Variants in EPB41 observed in about 807,000 individuals in gnomAD.
EPB41 encodes the protein erythrocyte membrane protein band 4.1, also known as protein 4.1.
In EPB41, 65 loss-of-function variants were observed where a neutral mutation model predicts 108.0. The ratio of observed to expected loss-of-function variants is 0.60; its 90% CI spans 0.49 to 0.74. The LOEUF (loss-of-function observed/expected upper bound fraction) is 0.74. EPB41 is among the 30% of genes least tolerant of loss of function. EPB41 has a pLI of 0.00. For synonymous variants in EPB41, 336 were observed against 358.9 expected (o/e 0.94, Z 0.72); for missense variants, 875 against 1,037.0 (o/e 0.84, Z 2.15).
chr1:28,931,622 G>A (rs530396540), intron 1 of EPB41, among the ~76,000 whole-genome samples: 7 of 150,860 alleles, frequency 4.6e-5, no homozygotes, highest in Admixed American at 2.6e-4. Flanking sequence ...TCCGCCTCCC[G>A]GGTTCAAGCA....
intron 1 of EPB41, among the ~76,000 whole-genome samples, chr1:28,908,324 C>G (rs1238299271): frequency 9.3e-5 from 14 of 150,904 alleles, no homozygotes; most frequent in Non-Finnish European, 2.1e-4. Context: ...ATCACTTGAA[C>G]CTGGCAGGCA....
rs186170836 is a variant in EPB41 at position 28,916,350 on chromosome 1, A to G, written c.-8+1582A>G. ...ATATCTTTGGCACTATTAAAAGTGA[A>G]CTATGTCGGGCACGGTGGCTCACGC... On this transcript the variant is annotated intron_variant, in intron 1 of 20. Coordinates refer to ENST00000343067, the MANE Select transcript of EPB41 (RefSeq NM_001376013.1). Among the ~76,000 whole-genome samples, 7 of 152,316 alleles carry G rather than the reference A, an allele frequency of 4.6e-5. No homozygotes were observed. In the East Asian group the frequency reaches 1.4e-3, roughly 29 times the overall value.
At chr1:29,021,412 G>T (rs1386869747) in intron 7 of EPB41, among the ~76,000 whole-genome samples, 1 of 152,006 alleles carries the variant, frequency 6.6e-6, no homozygotes, top group Non-Finnish European at 1.5e-5. Context: ...TCCTAACGAA[G>T]CAGCAAAAAG....
chr1:29,058,518 T>C, intron 12 of EPB41, 71 bp from the exon 13 acceptor site: 1 of 1,369,190 alleles, frequency 7.3e-7, no homozygotes, highest in Non-Finnish European at 1.0e-6. Context: ...TGCAGCTTAT[T>C]TGGAAACAAC....
intron 14 of EPB41, 35 bp downstream of exon 14, chr1:29,058,887 C>T (rs1408254533): frequency 1.3e-6 from 2 of 1,507,486 alleles, no homozygotes; most frequent in African/African-American, 2.8e-5. Flanking sequence ...AACTACATTG[C>T]CATTTCACCC....
At chr1:29,072,022 CTT>C (rs1558232848) in intron 16 of EPB41, 1 of 152,252 alleles carries the variant, frequency 6.6e-6, no homozygotes, top group East Asian at 1.9e-4. Flanking sequence ...ATATTGTTCT[CTT>C]GTCTCTGGAG....
chr1:29,058,507 A>T, intron 12 of EPB41, 82 bp from the exon 13 acceptor site: 4 of 1,241,432 alleles, frequency 3.2e-6, no homozygotes, highest in Non-Finnish European at 4.7e-6. Context: ...CAGCTTAAAG[A>T]TGCAGCTTAT....
intron 3 of EPB41, among the ~76,000 whole-genome samples, chr1:28,996,905 C>T (rs1395826010): frequency 1.3e-5 from 2 of 151,666 alleles, no homozygotes; most frequent in Non-Finnish European, 2.9e-5. Context: ...AAGGCTGAGG[C>T]GGGGGAATCA....
chr1:29,002,896 G>A, intron 4 of EPB41, among the ~76,000 whole-genome samples: 1 of 152,232 alleles, frequency 6.6e-6, no homozygotes, highest in Admixed American at 6.5e-5. Flanking sequence ...TGCTAAAGCA[G>A]AGAGGACTTT....
intron 1 of EPB41, among the ~76,000 whole-genome samples, chr1:28,950,897 G>A (rs1038036551): frequency 3.3e-5 from 5 of 152,012 alleles, no homozygotes; most frequent in African/African-American, 4.8e-5. Flanking sequence ...GTGCAGTGGT[G>A]CAGTCTTGGG....
Position 29,051,088 on chromosome 1 carries a change from G to GTTTTTTTTTTTTTTTTTTTTTTTTTTTT in EPB41, c.1637-2014_1637-1987dup, listed in dbSNP as rs71586885. ...AGCATTTCTTTCTTTTTCTTTTTCT[G>GTTTTTTTTTTTTTTTTTTTTTTTTTTTT]TTTTTTTTTTTTTTTTTTTTTTTTT... On this transcript the variant is annotated intron_variant, in intron 11 of 20. Coordinates refer to ENST00000343067, the MANE Select transcript of EPB41 (RefSeq NM_001376013.1). Among the ~76,000 whole-genome samples the GTTTTTTTTTTTTTTTTTTTTTTTTTTTT allele has an allele frequency of 3.9e-5, 2 of 51,576 alleles. 1 individual carries two copies. The highest frequency in any genetic ancestry group is 1.8e-4 in the African/African-American group (2 of 11,380). 33.8% of individuals were successfully genotyped at this position (51,576 alleles called of 152,430 possible).
At chr1:29,058,677 C>T in intron 13 of EPB41, 32 bp downstream of exon 13, 11 of 1,601,934 alleles carry the variant, frequency 6.9e-6, no homozygotes, top group Non-Finnish European at 9.4e-6. Flanking sequence ...GTTCCTCTTT[C>T]CCTCCACCCC....
intron 7 of EPB41, among the ~76,000 whole-genome samples, chr1:29,024,370 A>G (rs2096688979): frequency 6.6e-6 from 1 of 151,586 alleles, no homozygotes; most frequent in Non-Finnish European, 1.5e-5. Context: ...GTGGTGGCTC[A>G]CACCTGTAAT....
At chr1:28,984,431 A>C (rs1478389216) in intron 1 of EPB41, among the ~76,000 whole-genome samples, 1 of 152,222 alleles carries the variant, frequency 6.6e-6, no homozygotes, top group Non-Finnish European at 1.5e-5. Context: ...AAGTTGAAAC[A>C]AGAATGTAAA....
intron 1 of EPB41, among the ~76,000 whole-genome samples, chr1:28,932,897 C>T (rs574876918): frequency 2.6e-5 from 4 of 151,984 alleles, no homozygotes; most frequent in East Asian, 3.9e-4. Flanking sequence ...AGTTAGTGAC[C>T]GAAGAACTAA....
At chr1:28,888,927 G>T (rs1459374106) in intron 1 of EPB41, among the ~76,000 whole-genome samples, 1 of 152,138 alleles carries the variant, frequency 6.6e-6, no homozygotes, top group Non-Finnish European at 1.5e-5. Flanking sequence ...GCGCCAGGCC[G>T]GGAATTATTA....
At chr1:28,934,857 C>T (rs934733674) in intron 1 of EPB41, among the ~76,000 whole-genome samples, 3 of 151,598 alleles carry the variant, frequency 2.0e-5, no homozygotes, top group Non-Finnish European at 4.4e-5. Context: ...TGGCCAGGCA[C>T]GGTGACTCAA....
chr1:29,109,369 G>C lies in EPB41; in HGVS notation c.2347G>C (p.Val783Leu), dbSNP rs1463615780. 1 of 1,614,098 alleles carries C rather than the reference G, an allele frequency of 6.2e-7. No homozygotes were observed. ...DDNSGDLDPG[V>L]LLTAQTITSE... ...CAACAGTGGAGACTTGGACCCAGGA[G>C]TCTTGCTGACAGCTCAAACTATCAC... The change falls in exon 18 of 21, where the codon GTC (valine) becomes CTC (leucine). Residue 783 changes from valine (V) to leucine (L), a missense_variant. Physicochemically the swap from Val to Leu is conservative, Grantham distance 32. Around this residue, in one of 3 missense-constraint regions of EPB41, gnomAD observed 519 missense variants for 627.3 expected, o/e 0.83. Transcript: ENST00000343067.
Position 29,115,695 on chromosome 1 carries a change from G to T in EPB41, c.2497-4G>T. 2.5e-6 allele frequency: 4 copies of T among 1,613,456 alleles called. No individual in the cohort carries two copies. Among genetic ancestry groups the T allele is most frequent in the South Asian group, 1.1e-5 (1 of 91,068 alleles). On this transcript the variant is annotated splice_polypyrimidine_tract_variant and splice_region_variant and intron_variant, in intron 19 of 20. Coordinates refer to ENST00000343067, the MANE Select transcript of EPB41 (RefSeq NM_001376013.1). This position sits in a 1 kb window ranked among gnomAD's most constrained non-coding sequence, Gnocchi z 4.4. ...CTCATTGCCCTTGTTTCTGTCTTTT[G>T]TAGGTCCTTGTACAAGCCATCAAGG...
Sources: gnomAD v4.1 joint callset for allele counts (sites outside exome capture counted in the v4.1 genomes callset) on GRCh38, gnomAD v4.1.1 for gene constraint, gnomAD v4.1.1 regional missense constraint, Gnocchi (gnomAD v3.1) non-coding constraint, MANE v1.5 for transcripts, NCBI Gene and HGNC (gene_info 2026-07-23, HGNC 2026-07-21) for gene names.